TBC1D12: variants seen among roughly 807,000 people sequenced by gnomAD.
TBC1D12 encodes the protein TBC1 domain family, member 12.
In TBC1D12, 56 loss-of-function variants were observed where a neutral mutation model predicts 86.7. The observed-to-expected ratio is 0.65, with a 90% CI of 0.52 to 0.81. TBC1D12 has a LOEUF of 0.81. Among genes scored for constraint, TBC1D12 ranks in the 30% least tolerant of loss-of-function variants. The pLI is 0.00. For missense variants in TBC1D12, 1,023 were observed against 1,038.8 expected, an observed-to-expected ratio of 0.98 and a Z score of 0.21; for synonymous variants, 421 against 411.7, an observed-to-expected ratio of 1.02 and a Z score of -0.27.
intron 1 of TBC1D12, among the ~76,000 whole-genome samples, chr10:94,438,009 T>C (rs2055328839): frequency 6.8e-6 from 1 of 146,270 alleles, no homozygotes; most frequent in South Asian, 2.2e-4. Flanking sequence ...TTTTTTTTTT[T>C]TTTTTTTTTA....
At chr10:94,485,414 A>G (rs1435433854) in intron 3 of TBC1D12, among the ~76,000 whole-genome samples, 1 of 152,084 alleles carries the variant, frequency 6.6e-6, no homozygotes, top group Non-Finnish European at 1.5e-5. Context: ...AAATATACTT[A>G]CATTCCAGGG....
At position 94,484,205 on chromosome 10, in the gene TBC1D12, G is replaced by T. The variant is rs373226271; in HGVS notation, c.1212-9160G>T. On this transcript the variant is annotated intron_variant, in intron 3 of 12. Transcript: ENST00000225235. ...CTGTAGCTCTGTAGTATAATTTGAA[G>T]TCAGATAATGTGATTTATCCAGTTT... Among the ~76,000 whole-genome samples, 133 of 150,938 alleles carry T rather than the reference G, an allele frequency of 8.8e-4. 1 individual carries two copies. Among genetic ancestry groups the T allele is most frequent in the African/African-American group, 3.1e-3 (129 of 41,202 alleles).
chr10:94,477,841 G>C (rs1021741762), intron 3 of TBC1D12, among the ~76,000 whole-genome samples: 6 of 152,140 alleles, frequency 3.9e-5, no homozygotes, highest in African/African-American at 1.4e-4. Flanking sequence ...TGAGCAGTGG[G>C]GTCTAGACCA....
intron 3 of TBC1D12, among the ~76,000 whole-genome samples, chr10:94,485,983 A>G (rs2056154353): frequency 6.6e-6 from 1 of 151,760 alleles, no homozygotes; most frequent in Admixed American, 6.6e-5. Context: ...CTCTGATTTT[A>G]CTTATTTGAG....
intron 2 of TBC1D12, among the ~76,000 whole-genome samples, chr10:94,455,260 C>T (rs192855264): frequency 1.3e-3 from 200 of 151,546 alleles, no homozygotes; most frequent in African/African-American, 4.7e-3. Context: ...GTATAGAATT[C>T]TTTTTATACA....
At chr10:94,531,794 T>G (rs1390442217) in intron 12 of TBC1D12, among the ~76,000 whole-genome samples, 1 of 147,260 alleles carries the variant, frequency 6.8e-6, no homozygotes, top group Admixed American at 6.8e-5. Flanking sequence ...TTTATGTTAT[T>G]TTATTTTATG....
intron 2 of TBC1D12, among the ~76,000 whole-genome samples, chr10:94,453,925 A>G (rs1007292314): frequency 1.3e-5 from 2 of 152,046 alleles, no homozygotes; most frequent in Non-Finnish European, 1.5e-5. Flanking sequence ...AGTTGACTAT[A>G]TTTATGTGGG....
intron 1 of TBC1D12, among the ~76,000 whole-genome samples, chr10:94,418,221 TATTA>T (rs1432586077): frequency 6.6e-6 from 1 of 152,208 alleles, no homozygotes; most frequent in Non-Finnish European, 1.5e-5. Flanking sequence ...AATCTAGCTC[TATTA>T]ATTCTCACAA....
At chr10:94,423,237 C>T (rs970128385) in intron 1 of TBC1D12, among the ~76,000 whole-genome samples, 12 of 152,058 alleles carry the variant, frequency 7.9e-5, no homozygotes, top group Non-Finnish European at 1.6e-4. Flanking sequence ...CTTGGTTTTT[C>T]AGCTCTTTTC....
intron 1 of TBC1D12, among the ~76,000 whole-genome samples, chr10:94,411,181 T>C (rs946764767): frequency 6.6e-6 from 1 of 152,238 alleles, no homozygotes; most frequent in Non-Finnish European, 1.5e-5. Flanking sequence ...TAGTTTTTCA[T>C]GTGAAGATGG....
At chr10:94,445,129 G>T (rs1167725603) in intron 2 of TBC1D12, among the ~76,000 whole-genome samples, 1 of 150,750 alleles carries the variant, frequency 6.6e-6, no homozygotes, top group Non-Finnish European at 1.5e-5. Context: ...GGGAGGCTGT[G>T]GCGGGCAGAT....
At chr10:94,460,085 A>T (rs562081897) in intron 2 of TBC1D12, among the ~76,000 whole-genome samples, 1 of 152,190 alleles carries the variant, frequency 6.6e-6, no homozygotes, top group African/African-American at 2.4e-5. Flanking sequence ...TACAAAAATT[A>T]GCTGGGCATG....
At chr10:94,518,193 C>T (rs1842052247) in intron 9 of TBC1D12, among the ~76,000 whole-genome samples, 1 of 151,938 alleles carries the variant, frequency 6.6e-6, no homozygotes, top group Non-Finnish European at 1.5e-5. Context: ...CCCTCAAGGA[C>T]TATGCATTCT....
At chr10:94,507,185 T>C (rs1485289288) in intron 6 of TBC1D12, 82 bp from the exon 7 acceptor site, 4 of 1,363,386 alleles carry the variant, frequency 2.9e-6, no homozygotes, top group Non-Finnish European at 4.1e-6. Context: ...TGACCTGTAA[T>C]AGGTAAAGAG....
rs1390614478 is a variant in TBC1D12, at chr10:94,535,759, T to C, written c.*2663T>C. ...CTAAATTTAATCATACTTTCATGTA[T>C]TTGTTTCCTCAGTTGGACCTAAGTT... On this transcript the variant is annotated 3_prime_UTR_variant, in exon 13 of 13. Transcript: ENST00000225235. The C allele has an allele frequency of 6.6e-6, 1 of 152,194 alleles. No individual in the cohort carries two copies. The highest frequency in any genetic ancestry group is 2.4e-5 in the African/African-American group (1 of 41,470). 9.4% of individuals were successfully genotyped at this position (152,194 alleles called of 1,614,324 possible). A position where few individuals can be genotyped will look rare whatever the true frequency, so the allele number is the denominator to read the frequency against.
chr10:94,467,210 T>G (rs1167731333), intron 2 of TBC1D12, among the ~76,000 whole-genome samples: 1 of 152,086 alleles, frequency 6.6e-6, no homozygotes, highest in Non-Finnish European at 1.5e-5. Flanking sequence ...TTTGCACAAG[T>G]GTGTAGTCGA....
chr10:94,419,901 C>T (rs1215933531), intron 1 of TBC1D12, among the ~76,000 whole-genome samples: 1 of 152,132 alleles, frequency 6.6e-6, no homozygotes, highest in Admixed American at 6.5e-5. Context: ...ATACTTACTC[C>T]TACTGAAAGA....
intron 9 of TBC1D12, among the ~76,000 whole-genome samples, chr10:94,515,187 G>A (rs1202744240): frequency 1.4e-4 from 21 of 151,738 alleles, no homozygotes; most frequent in Middle Eastern, 6.8e-3. Flanking sequence ...GATTACAGGC[G>A]TGAGCCACCG....
rs560950083 is a variant in TBC1D12 at position 94,476,740 on chromosome 10, G to A, written c.1211+1957G>A. 2.2e-4 allele frequency among the ~76,000 whole-genome samples: 33 copies of A among 152,198 alleles called. 1 individual carries two copies. The highest frequency in any genetic ancestry group is 1.8e-3 in the Admixed American group (27 of 15,288). ...TCACTCAAAAAGTTCTATTCTAGAC[G>A]GTGTTGGGGACAAATCTTTCTTTAC... On this transcript the variant is annotated intron_variant, in intron 3 of 12. Transcript: ENST00000225235.
Sources: allele counts gnomAD v4.1 joint callset (sites outside exome capture counted in the v4.1 genomes callset), GRCh38; gene constraint gnomAD v4.1.1; transcripts MANE v1.5; gene names NCBI Gene and HGNC (gene_info 2026-07-23, HGNC 2026-07-21).